The following SYNE2 variants were observed in gnomAD, a reference collection of about 807,000 sequenced individuals.
The protein encoded by SYNE2 is nesprin-2.
A neutral mutation model predicts 856.3 loss-of-function variants in SYNE2; 431 were observed. That is an observed-to-expected ratio of 0.50 (90% confidence interval 0.47 to 0.55). The LOEUF is 0.55. Ranked by LOEUF, SYNE2 falls within the 20% of genes least tolerant of loss-of-function variation. The probability of loss-of-function intolerance (pLI) is 0.00; values close to 1 mark genes in which losing one functional copy is unlikely to be tolerated. For missense variants in SYNE2, 8,129 were observed against 8,023.2 expected, an observed-to-expected ratio of 1.01 and a Z score of -0.50; for synonymous variants, 2,923 against 2,872.3, an observed-to-expected ratio of 1.02 and a Z score of -0.56.
intron 1 of SYNE2, among the ~76,000 whole-genome samples, chr14:63,907,918 A>G (rs72718318): frequency 1.7e-4 from 26 of 152,322 alleles, no homozygotes; most frequent in Non-Finnish European, 3.2e-4. Context: ...TTAATCATTA[A>G]TTAGTCAAGT....
At chr14:63,777,162 T>G (rs570530034) in intron 1 of SYNE2, among the ~76,000 whole-genome samples, 3 of 152,286 alleles carry the variant, frequency 2.0e-5, no homozygotes, top group African/African-American at 7.2e-5. Flanking sequence ...TAAGCTATAT[T>G]ATGAGGCTTT....
At chr14:63,972,689 A>G (rs964173005) in intron 11 of SYNE2, among the ~76,000 whole-genome samples, 2 of 152,244 alleles carry the variant, frequency 1.3e-5, no homozygotes, top group Non-Finnish European at 2.9e-5. Context: ...GTGAGAAAGA[A>G]GAGGAACGAA....
intron 103 of SYNE2, among the ~76,000 whole-genome samples, chr14:64,211,291 A>G (rs2098639725): frequency 6.6e-6 from 1 of 152,156 alleles, no homozygotes; most frequent in African/African-American, 2.4e-5. Flanking sequence ...TGCATTAATT[A>G]TCTCCTGCCG....
chr14:64,055,534 A>G (rs2097261771), intron 48 of SYNE2, among the ~76,000 whole-genome samples: 1 of 151,574 alleles, frequency 6.6e-6, no homozygotes, highest in South Asian at 2.1e-4. Context: ...ACACCCAACT[A>G]ATTTTTGTAT....
At chr14:64,139,792 TATA>T in intron 79 of SYNE2, 146 bp from the exon 80 acceptor site, 1 of 811,764 alleles carries the variant, frequency 1.2e-6, no homozygotes, top group Non-Finnish European at 2.1e-6. Flanking sequence ...TAAAACATGA[TATA>T]ATCCTTATTA....
At chr14:63,994,501 G>C (rs1285708459) in intron 22 of SYNE2, among the ~76,000 whole-genome samples, 1 of 152,180 alleles carries the variant, frequency 6.6e-6, no homozygotes, top group African/African-American at 2.4e-5. Context: ...AGATGGTGCA[G>C]AGAGTTCCAG....
chr14:64,058,694 T>G (rs1182148212), intron 49 of SYNE2, among the ~76,000 whole-genome samples: 1 of 152,176 alleles, frequency 6.6e-6, no homozygotes, highest in Non-Finnish European at 1.5e-5. Flanking sequence ...TCGGCCAGGC[T>G]GGTCTCGAAT....
At chr14:63,893,670 A>G (rs776818112) in intron 1 of SYNE2, among the ~76,000 whole-genome samples, 6 of 152,384 alleles carry the variant, frequency 3.9e-5, no homozygotes, top group African/African-American at 9.6e-5. Flanking sequence ...GGCATACACT[A>G]TGCTACATAA....
At chr14:64,030,125 T>C (rs774441525) in intron 44 of SYNE2, 66 bp downstream of exon 44, 205 of 1,485,528 alleles carry the variant, frequency 1.4e-4, no homozygotes, top group Non-Finnish European at 1.7e-4. Context: ...TACAGTGTGA[T>C]TAATCAGTGT....
intron 66 of SYNE2, among the ~76,000 whole-genome samples, chr14:64,119,166 T>C (rs919079357): frequency 2.0e-5 from 3 of 152,210 alleles, no homozygotes; most frequent in Non-Finnish European, 4.4e-5. Context: ...CATTCTGCTA[T>C]GTTTTGTAAG....
intron 2 of SYNE2, among the ~76,000 whole-genome samples, chr14:63,914,058 C>A (rs1324396569): frequency 6.6e-6 from 1 of 152,066 alleles, no homozygotes; most frequent in Non-Finnish European, 1.5e-5. Flanking sequence ...TATAGAATTC[C>A]TTTAATTCTT....
chr14:63,762,052 G>A (rs1050770965), intron 1 of SYNE2: 23 of 501,794 alleles, frequency 4.6e-5, no homozygotes, highest in African/African-American at 3.2e-4. Flanking sequence ...CTCAGGAGGC[G>A]TTGGAAAGTC....
intron 104 of SYNE2, among the ~76,000 whole-genome samples, 200 bp from the exon 105 acceptor site, chr14:64,212,611 C>T (rs1048197844): frequency 1.3e-5 from 2 of 152,158 alleles, no homozygotes; most frequent in South Asian, 2.1e-4. Flanking sequence ...AGCCAGTGCC[C>T]GTGAGGGGGA....
At chr14:63,948,255 A>G (rs1047757453) in intron 6 of SYNE2, among the ~76,000 whole-genome samples, 3 of 152,160 alleles carry the variant, frequency 2.0e-5, no homozygotes, top group African/African-American at 4.8e-5. Context: ...TTAGAAAAAA[A>G]TTGACATTTA....
chr14:63,800,107 T>G (rs1220632561), intron 1 of SYNE2, among the ~76,000 whole-genome samples: 4 of 152,254 alleles, frequency 2.6e-5, no homozygotes, highest in African/African-American at 9.6e-5. Context: ...TTTGAGGTTC[T>G]TTTGGTGAGC....
At chr14:63,991,871 A>G (rs1168855304) in intron 21 of SYNE2, among the ~76,000 whole-genome samples, 4 of 152,168 alleles carry the variant, frequency 2.6e-5, no homozygotes, top group African/African-American at 9.7e-5. Context: ...GCATTGCCCC[A>G]TTCCTGCGCC....
chr14:64,222,237 C>G (rs2098697797), intron 112 of SYNE2, among the ~76,000 whole-genome samples: 2 of 152,150 alleles, frequency 1.3e-5, no homozygotes, highest in South Asian at 4.1e-4. Flanking sequence ...AATCAGAGTG[C>G]TAGCCATTGT....
intron 26 of SYNE2, among the ~76,000 whole-genome samples, 172 bp from the exon 27 acceptor site, chr14:63,998,742 T>G (rs2096731977): frequency 1.3e-5 from 2 of 152,146 alleles, no homozygotes; most frequent in South Asian, 4.1e-4. Context: ...TTTGTAGTTT[T>G]AGTAGAGATG....
intron 76 of SYNE2, 95 bp from the exon 77 acceptor site, chr14:64,132,170 A>C: frequency 6.8e-7 from 1 of 1,464,332 alleles, no homozygotes; most frequent in Non-Finnish European, 9.4e-7. Context: ...TTTTGGATTT[A>C]AAACAAAAAT....
Sources: gnomAD v4.1 joint callset for allele counts (sites outside exome capture counted in the v4.1 genomes callset) on GRCh38, gnomAD v4.1.1 for gene constraint, MANE v1.5 for transcripts, NCBI Gene and HGNC (gene_info 2026-07-23, HGNC 2026-07-21) for gene names.